RIMS2: variants seen among roughly 807,000 people sequenced by gnomAD.
RIMS2 encodes regulating synaptic membrane exocytosis 2, also known as regulating synaptic membrane exocytosis protein 2.
A neutral mutation model predicts 174.4 loss-of-function variants in RIMS2; 59 were observed. That is an observed-to-expected ratio of 0.34 (90% CI 0.27 to 0.42). RIMS2 has a LOEUF of 0.42. Among genes scored for constraint, RIMS2 ranks in the 10% least tolerant of loss-of-function variants. The pLI is 1.00. For missense variants in RIMS2, 1,620 were observed against 1,666.3 expected, an observed-to-expected ratio of 0.97 and a Z score of 0.48; for synonymous variants, 606 against 572.5, an observed-to-expected ratio of 1.06 and a Z score of -0.84.
intron 15 of RIMS2, among the ~76,000 whole-genome samples, chr8:103,966,543 G>T (rs967255364): frequency 1.3e-5 from 2 of 151,996 alleles, no homozygotes; most frequent in African/African-American, 4.8e-5. Flanking sequence ...AGGCTAATTT[G>T]TTCTATTAAT....
At chr8:104,230,687 T>C (rs1017084847) in intron 19 of RIMS2, among the ~76,000 whole-genome samples, 3 of 152,150 alleles carry the variant, frequency 2.0e-5, no homozygotes, top group African/African-American at 4.8e-5. Context: ...AATAATTGGT[T>C]GTTCCCTTAT....
chr8:104,114,083 G>C (rs2098241167), intron 19 of RIMS2, among the ~76,000 whole-genome samples: 1 of 151,846 alleles, frequency 6.6e-6, no homozygotes, highest in Non-Finnish European at 1.5e-5. Context: ...CAAATAAATT[G>C]TTCTGATATT....
At chr8:103,761,966 T>C (rs896859858) in intron 2 of RIMS2, among the ~76,000 whole-genome samples, 9 of 152,194 alleles carry the variant, frequency 5.9e-5, no homozygotes, top group South Asian at 4.1e-4. Context: ...AAGAAAATCA[T>C]AGTATTTTGC....
chr8:103,877,626 T>C (rs2099147620), intron 3 of RIMS2, among the ~76,000 whole-genome samples: 1 of 152,004 alleles, frequency 6.6e-6, no homozygotes, highest in Admixed American at 6.6e-5. Context: ...CTGTTTTATT[T>C]ACTGTAGCCT....
chr8:103,819,777 A>G, intron 3 of RIMS2: 1 of 578,512 alleles, frequency 1.7e-6, no homozygotes, highest in Non-Finnish European at 2.8e-6. Context: ...TAGCATTCTT[A>G]ATTTGATTTT....
chr8:103,926,540 TG>T (rs905186090), intron 10 of RIMS2, among the ~76,000 whole-genome samples: 21 of 151,716 alleles, frequency 1.4e-4, no homozygotes, highest in Middle Eastern at 6.8e-3. Context: ...TGCTTTCCTT[TG>T]GGTTTTAGAT....
At chr8:103,539,304 A>G (rs756057883) in intron 1 of RIMS2, among the ~76,000 whole-genome samples, 30 of 152,234 alleles carry the variant, frequency 2.0e-4, no homozygotes, top group Non-Finnish European at 3.8e-4. Context: ...ACTGGCATTT[A>G]AAGGCCTCAA....
chr8:103,967,183 T>TTTTTTTTTG (rs2092103807), intron 15 of RIMS2, among the ~76,000 whole-genome samples: 2 of 128,430 alleles, frequency 1.6e-5, no homozygotes, highest in African/African-American at 6.3e-5. Flanking sequence ...TTTTTTTTTT[T>TTTTTTTTTG]TTTTTTTTTT....
intron 1 of RIMS2, among the ~76,000 whole-genome samples, chr8:103,643,768 T>A (rs1355883092): frequency 6.6e-6 from 1 of 150,898 alleles, no homozygotes; most frequent in Non-Finnish European, 1.5e-5. Context: ...AGGAGAGGCA[T>A]CTGATAGTTC....
chr8:104,225,261 A>G (rs888125720), intron 19 of RIMS2, among the ~76,000 whole-genome samples: 4 of 152,158 alleles, frequency 2.6e-5, no homozygotes, highest in African/African-American at 4.8e-5. Context: ...AAATTTGCCC[A>G]GGGTCACCAA....
chr8:104,065,797 A>T (rs2097096112), intron 19 of RIMS2, among the ~76,000 whole-genome samples: 1 of 152,138 alleles, frequency 6.6e-6, no homozygotes, highest in African/African-American at 2.4e-5. Context: ...CTGTCTATAG[A>T]TGATGATTGG....
At chr8:104,015,973 C>G (rs2095891048) in intron 19 of RIMS2, among the ~76,000 whole-genome samples, 1 of 151,974 alleles carries the variant, frequency 6.6e-6, no homozygotes, top group South Asian at 2.1e-4. Context: ...AGCAAGACTG[C>G]TTACAGTATA....
At chr8:104,100,970 GTA>G (rs2097873262) in intron 19 of RIMS2, among the ~76,000 whole-genome samples, 2 of 72,642 alleles carry the variant, frequency 2.8e-5, no homozygotes, top group African/African-American at 7.8e-5. Flanking sequence ...ATATTATATA[GTA>G]TATATGATAT....
chr8:104,233,073 CA>C (rs1257351203), intron 19 of RIMS2, among the ~76,000 whole-genome samples: 1 of 152,044 alleles, frequency 6.6e-6, no homozygotes, highest in Non-Finnish European at 1.5e-5. Flanking sequence ...TGAGCATAAG[CA>C]GACAAGAACG....
intron 2 of RIMS2, among the ~76,000 whole-genome samples, chr8:103,717,679 T>TAAAAG (rs2097389732): frequency 1.3e-5 from 2 of 152,216 alleles, no homozygotes; most frequent in African/African-American, 4.8e-5. Context: ...GATTTCATAA[T>TAAAAG]ATAACAGTCT....
chr8:103,777,183 T>A (rs1008015948), intron 3 of RIMS2, among the ~76,000 whole-genome samples: 5 of 151,902 alleles, frequency 3.3e-5, no homozygotes, highest in Non-Finnish European at 7.4e-5. Flanking sequence ...GTTGAAAGAC[T>A]GAATGAGTAG....
At chr8:103,610,556 A>G (rs1227140388) in intron 1 of RIMS2, among the ~76,000 whole-genome samples, 2 of 152,154 alleles carry the variant, frequency 1.3e-5, no homozygotes, top group African/African-American at 4.8e-5. Flanking sequence ...GTTGAATTTT[A>G]TCAAAAACCT....
chr8:103,894,017 A>T (rs531315922), intron 4 of RIMS2, among the ~76,000 whole-genome samples: 1 of 152,232 alleles, frequency 6.6e-6, no homozygotes, highest in African/African-American at 2.4e-5. Flanking sequence ...TGTGGATCAC[A>T]TGTTACCAGA....
chr8:103,941,821 C>G (rs1236656902), intron 13 of RIMS2, among the ~76,000 whole-genome samples: 26 of 152,152 alleles, frequency 1.7e-4, no homozygotes, highest in Admixed American at 1.7e-3. Flanking sequence ...GTTTACACCT[C>G]TTTCACTTAC....
Sources: gnomAD v4.1 joint callset for allele counts (sites outside exome capture counted in the v4.1 genomes callset) on GRCh38, gnomAD v4.1.1 for gene constraint, MANE v1.5 for transcripts, NCBI Gene and HGNC (gene_info 2026-07-23, HGNC 2026-07-21) for gene names.